TNNI3K: variants seen among roughly 807,000 people sequenced by gnomAD.
TNNI3K encodes TNNI3 interacting kinase, also known as serine/threonine-protein kinase TNNI3K.
A neutral mutation model predicts 114.5 loss-of-function variants in TNNI3K; 140 were observed. The ratio of observed to expected loss-of-function variants is 1.22; its 90% CI spans 1.07 to 1.41. The LOEUF (loss-of-function observed/expected upper bound fraction) is 1.41. Among genes scored for constraint, TNNI3K ranks in the 40% most tolerant of loss-of-function variants. The pLI, the probability that TNNI3K is intolerant of heterozygous loss-of-function variation, is 0.00. For synonymous variants in TNNI3K, 347 were observed against 347.5 expected (o/e 1.00, Z 0.02); for missense variants, 1,125 against 1,007.6 (o/e 1.12, Z -1.58).
intron 9 of TNNI3K, among the ~76,000 whole-genome samples, chr1:74,352,904 C>G (rs1661443902): frequency 6.6e-6 from 1 of 152,220 alleles, no homozygotes; most frequent in South Asian, 2.1e-4. Context: ...TTCCCTGACC[C>G]TTTGCGCTTC....
intron 17 of TNNI3K, chr1:74,418,288 TCAC>T: frequency 2.6e-6 from 1 of 379,532 alleles, no homozygotes; most frequent in Non-Finnish European, 5.2e-6. Context: ...ACGAATGAAG[TCAC>T]CACATCAGCC....
intron 5 of TNNI3K, among the ~76,000 whole-genome samples, chr1:74,291,136 T>A (rs1657653301): frequency 6.6e-6 from 1 of 151,684 alleles, no homozygotes; most frequent in African/African-American, 2.4e-5. Context: ...CATATCTGTC[T>A]CCTTCTTCTA....
intron 7 of TNNI3K, among the ~76,000 whole-genome samples, chr1:74,339,178 T>A (rs1210078578): frequency 6.6e-6 from 1 of 152,160 alleles, no homozygotes; most frequent in East Asian, 1.9e-4. Context: ...TACAACCATA[T>A]TCCCCTTACA....
chr1:74,508,745 A>G (rs1374419539), intron 23 of TNNI3K, among the ~76,000 whole-genome samples: 3 of 152,326 alleles, frequency 2.0e-5, no homozygotes, highest in South Asian at 2.1e-4. Flanking sequence ...TGCTGATAAC[A>G]TAAGTGGGAG....
intron 22 of TNNI3K, among the ~76,000 whole-genome samples, chr1:74,490,901 A>G (rs988991289): frequency 6.6e-5 from 10 of 152,206 alleles, no homozygotes; most frequent in Non-Finnish European, 1.2e-4. Context: ...AAAAAATAAT[A>G]AAAGTATCAA....
intron 5 of TNNI3K, among the ~76,000 whole-genome samples, chr1:74,327,664 T>G (rs1659984876): frequency 3.2e-5 from 1 of 31,040 alleles, no homozygotes; most frequent in Non-Finnish European, 2.1e-4. Flanking sequence ...TCAGTACTAT[T>G]ATTATTAAAT....
chr1:74,238,456 T>C (rs990002941), intron 2 of TNNI3K, among the ~76,000 whole-genome samples: 3 of 152,022 alleles, frequency 2.0e-5, no homozygotes, highest in African/African-American at 7.2e-5. Context: ...ATTGATTGGA[T>C]AAATAAGGAC....
intron 17 of TNNI3K, among the ~76,000 whole-genome samples, chr1:74,425,112 G>A (rs1665572955): frequency 6.6e-6 from 1 of 152,048 alleles, no homozygotes; most frequent in South Asian, 2.1e-4. Flanking sequence ...AAGGGCATAA[G>A]GCAGAAGTCA....
intron 9 of TNNI3K, among the ~76,000 whole-genome samples, chr1:74,344,649 G>A (rs1336062552): frequency 1.3e-5 from 2 of 152,082 alleles, no homozygotes; most frequent in Non-Finnish European, 2.9e-5. Context: ...GACACCTCAG[G>A]CTAGTTTTCA....
intron 21 of TNNI3K, chr1:74,471,936 T>C (rs886296772): frequency 1.9e-6 from 1 of 522,274 alleles, no homozygotes; most frequent in Admixed American, 3.6e-5. Flanking sequence ...AATACCTAGG[T>C]TTGCTCTGTT....
At chr1:74,540,150 A>G in intron 23 of TNNI3K, 84 bp from the exon 24 acceptor site, 2 of 1,439,862 alleles carry the variant, frequency 1.4e-6, no homozygotes, top group Non-Finnish European at 1.9e-6. Flanking sequence ...TCTGGGATCT[A>G]TGTTGAGTGG....
At chr1:74,380,501 G>A (rs539195792) in intron 17 of TNNI3K, among the ~76,000 whole-genome samples, 27 of 152,232 alleles carry the variant, frequency 1.8e-4, no homozygotes, top group South Asian at 1.0e-3. Flanking sequence ...CAGACTGAGC[G>A]TGGAAGGGAG....
At chr1:74,288,732 A>T (rs890581207) in intron 5 of TNNI3K, among the ~76,000 whole-genome samples, 4 of 152,122 alleles carry the variant, frequency 2.6e-5, no homozygotes, top group Non-Finnish European at 5.9e-5. Context: ...ATTATGTTGT[A>T]TACTTTAAAT....
At chr1:74,524,530 A>G (rs765974807) in intron 23 of TNNI3K, among the ~76,000 whole-genome samples, 4 of 152,232 alleles carry the variant, frequency 2.6e-5, no homozygotes, top group African/African-American at 4.8e-5. Flanking sequence ...AAAAAGTCAC[A>G]TAAATCTCTT....
chr1:74,370,494 A>G, intron 17 of TNNI3K, 102 bp downstream of exon 17: 1 of 994,870 alleles, frequency 1.0e-6, no homozygotes, highest in Admixed American at 2.8e-5. Flanking sequence ...AGATCAGGGT[A>G]CTCTGTGGTT....
chr1:74,242,016 A>AT (rs1654261501), intron 2 of TNNI3K, among the ~76,000 whole-genome samples: 2 of 151,522 alleles, frequency 1.3e-5, no homozygotes, highest in Admixed American at 6.6e-5. Flanking sequence ...CACCTGGCTA[A>AT]TTTTTTGTAT....
At chr1:74,369,649 A>G in intron 16 of TNNI3K, 64 bp downstream of exon 16, 15 of 1,476,074 alleles carry the variant, frequency 1.0e-5, no homozygotes, top group South Asian at 1.5e-5. Flanking sequence ...GCAATACTTC[A>G]GAGGGTTTCC....
chr1:74,353,433 T>A (rs1044301055), intron 10 of TNNI3K, 73 bp downstream of exon 10: 61 of 1,546,454 alleles, frequency 3.9e-5, no homozygotes, highest in Non-Finnish European at 5.2e-5. Context: ...TGCAAAGGGA[T>A]GTGGGGGCAT....
intron 5 of TNNI3K, among the ~76,000 whole-genome samples, chr1:74,329,101 G>T (rs1179206609): frequency 6.6e-6 from 1 of 152,052 alleles, no homozygotes; most frequent in South Asian, 2.1e-4. Flanking sequence ...TTACTTAAAG[G>T]TTAGTGTTAA....
Sources: allele counts gnomAD v4.1 joint callset (sites outside exome capture counted in the v4.1 genomes callset), GRCh38; gene constraint gnomAD v4.1.1; transcripts MANE v1.5; gene names NCBI Gene and HGNC (gene_info 2026-07-23, HGNC 2026-07-21).